HIPK3: variants seen among roughly 807,000 people sequenced by gnomAD.
HIPK3 encodes the protein homeodomain interacting protein kinase 3, also known as homeodomain-interacting protein kinase 3.
A neutral mutation model predicts 124.2 loss-of-function variants in HIPK3; 47 were observed. That is an observed-to-expected ratio of 0.38 (90% CI 0.30 to 0.48). The LOEUF (loss-of-function observed/expected upper bound fraction) is 0.48, where lower values mean the gene tolerates loss of function less well. HIPK3 is among the 20% of genes least tolerant of loss of function. The pLI, the probability that HIPK3 is intolerant of heterozygous loss-of-function variation, is 0.98. For missense variants in HIPK3, 1,286 were observed against 1,454.3 expected (o/e 0.88, Z 1.88); for synonymous variants, 482 against 515.2 (o/e 0.94, Z 0.87).
rs1165679471 is a variant in HIPK3 at position 33,348,220 on chromosome 11, T to A, written c.2361T>A (p.Ala787=). ...EWEPGREEIN[A]FSWSNSLQNT... is the part of the protein sequence containing the mutation. Reference sequence around the variant, plus strand: ...AGCCAGGAAGAGAGGAAATAAATGCTTTCAGTTGGTAAGATTGTCTTTATT... The same window carrying A: ...AGCCAGGAAGAGAGGAAATAAATGCATTCAGTTGGTAAGATTGTCTTTATT... Residue 787 remains alanine (A), a synonymous_variant, in exon 12 of 17, where the codon GCT becomes GCA. Coordinates refer to ENST00000303296, the MANE Select transcript of HIPK3 (RefSeq NM_005734.5). 2 of 1,613,268 alleles carry A rather than the reference T, an allele frequency of 1.2e-6. No individual in the cohort carries two copies. Among genetic ancestry groups the A allele is most frequent in the Non-Finnish European group, 1.7e-6 (2 of 1,179,446 alleles).
intron 2 of HIPK3, among the ~76,000 whole-genome samples, chr11:33,315,780 A>T (rs1390134387): frequency 6.6e-6 from 1 of 152,252 alleles, no homozygotes; most frequent in African/African-American, 2.4e-5. Context: ...ATTGGTAACA[A>T]ATATTAAATC....
At chr11:33,351,422 A>G (rs570800973) in intron 14 of HIPK3, among the ~76,000 whole-genome samples, 186 bp from the exon 15 acceptor site, 1 of 152,314 alleles carries the variant, frequency 6.6e-6, no homozygotes, top group South Asian at 2.1e-4. Flanking sequence ...GGCAGTTGGA[A>G]CAGAGAATTA....
Position 33,286,807 on chromosome 11 carries a change from T to A in HIPK3, c.393T>A (p.Ser131Arg). Residue 131 changes from serine (S) to arginine (R), a missense_variant, in exon 2 of 17, where the codon AGT (serine) becomes AGA (arginine). By Grantham distance (110) the Ser-to-Arg change is moderately radical (BLOSUM62 -1). Coordinates refer to ENST00000303296, the MANE Select transcript of HIPK3 (RefSeq NM_005734.5). ...AGCGATGTGGATTGAAGCGCAAGAG[T>A]GAGGAGTTGGATAATCATAGCAGCG... Reference protein sequence around the residue: ...GPQRCGLKRKSEELDNHSSAM... With the variant: ...GPQRCGLKRKREELDNHSSAM... The A allele has an allele frequency of 6.2e-7, 1 of 1,613,936 alleles. No individual in the cohort carries two copies. The highest frequency in any genetic ancestry group is 8.5e-7 in the Non-Finnish European group (1 of 1,179,994).
At chr11:33,306,764 C>A (rs954136721) in intron 2 of HIPK3, among the ~76,000 whole-genome samples, 6 of 152,028 alleles carry the variant, frequency 3.9e-5, no homozygotes, top group Non-Finnish European at 7.4e-5. Flanking sequence ...TAGGTAGAAG[C>A]TATTAAAGTG....
At chr11:33,282,072 G>A (rs1233727210) in intron 1 of HIPK3, among the ~76,000 whole-genome samples, 2 of 152,092 alleles carry the variant, frequency 1.3e-5, no homozygotes, top group South Asian at 4.1e-4. Context: ...ATCCACAAGT[G>A]TATAATAGCT....
At chr11:33,287,957 CT>C (rs531331319) in intron 2 of HIPK3, among the ~76,000 whole-genome samples, 62 of 152,182 alleles carry the variant, frequency 4.1e-4, no homozygotes, top group African/African-American at 1.3e-3. Context: ...TTATCTGAAA[CT>C]TTTGGGGCCA....
chr11:33,354,979 T>C lies in HIPK3; in HGVS notation c.*1411T>C, dbSNP rs1023340484. Reference sequence around the variant, plus strand: ...CTACTTTTTGCATAGACCTCAAGTATATTGTAGTGTAAAGGTGGAATTTAA... The same window carrying C: ...CTACTTTTTGCATAGACCTCAAGTACATTGTAGTGTAAAGGTGGAATTTAA... On this transcript the variant is annotated 3_prime_UTR_variant, in exon 17 of 17. Coordinates refer to ENST00000303296, the MANE Select transcript of HIPK3 (RefSeq NM_005734.5). 1.3e-5 allele frequency: 2 copies of C among 152,156 alleles called. No individual in the cohort carries two copies. Among genetic ancestry groups the C allele is most frequent in the African/African-American group, 2.4e-5 (1 of 41,548 alleles). 9.4% of individuals were successfully genotyped at this position (152,156 alleles called of 1,614,324 possible). A position where few individuals can be genotyped will look rare whatever the true frequency, so the allele number is the denominator to read the frequency against.
intron 2 of HIPK3, among the ~76,000 whole-genome samples, chr11:33,292,478 G>A (rs573826904): frequency 2.5e-4 from 38 of 152,100 alleles, no homozygotes; most frequent in Non-Finnish European, 4.6e-4. Flanking sequence ...TGATCTGAGG[G>A]GCAGGGAAGG....
intron 6 of HIPK3, among the ~76,000 whole-genome samples, chr11:33,340,385 A>G (rs1480545652): frequency 6.6e-6 from 1 of 152,328 alleles, no homozygotes; most frequent in African/African-American, 2.4e-5. Context: ...CAAATCTTAC[A>G]AATTCTTTGA....
intron 8 of HIPK3, among the ~76,000 whole-genome samples, chr11:33,344,249 T>G (rs1344958244): frequency 6.6e-6 from 1 of 152,214 alleles, no homozygotes; most frequent in Non-Finnish European, 1.5e-5. Context: ...TTTAATCAGT[T>G]ATTACTTGTG....
At chr11:33,287,957 C>T (rs1350901297) in intron 2 of HIPK3, among the ~76,000 whole-genome samples, 1 of 152,064 alleles carries the variant, frequency 6.6e-6, no homozygotes, top group Non-Finnish European at 1.5e-5. Context: ...TTATCTGAAA[C>T]TTTTGGGGCC....
intron 2 of HIPK3, among the ~76,000 whole-genome samples, chr11:33,314,294 T>C (rs763150616): frequency 2.6e-5 from 4 of 152,160 alleles, no homozygotes; most frequent in Non-Finnish European, 4.4e-5. Flanking sequence ...AATGGGATAA[T>C]GTATCTACCT....
intron 1 of HIPK3, chr11:33,258,256 G>C (rs1471460705): frequency 2.1e-6 from 2 of 975,192 alleles, no homozygotes; most frequent in Non-Finnish European, 2.4e-6. Flanking sequence ...AGCAACCGAA[G>C]TTTTGTTTAG....
chr11:33,275,934 C>G (rs1226785036), intron 1 of HIPK3, among the ~76,000 whole-genome samples: 49 of 152,196 alleles, frequency 3.2e-4, no homozygotes, highest in Non-Finnish European at 2.9e-5. Context: ...CTACGCCTAC[C>G]ATATTTGGCT....
In HIPK3 at chr11:33,349,151, A is replaced by G. The variant is rs1465130710; in HGVS notation, c.2671A>G (p.Lys891Glu). 1 of 1,612,766 alleles carries G rather than the reference A, an allele frequency of 6.2e-7. No homozygotes were observed. Among genetic ancestry groups the G allele is most frequent in the East Asian group, 2.2e-5 (1 of 44,862 alleles). ...TSQRHSLRECKGSLDCEACQS... is the reference protein window; with the variant it reads ...TSQRHSLRECEGSLDCEACQS... ...TTCCCTTTTCTCTTCCACTAGATGTAAAGGTAGTCTAGATTGTGAAGCTTG... is the reference window on the plus strand; with the variant it reads ...TTCCCTTTTCTCTTCCACTAGATGTGAAGGTAGTCTAGATTGTGAAGCTTG... The change falls in exon 14 of 17, where the codon AAA becomes GAA. Residue 891 changes from lysine (K) to glutamate (E), a missense_variant. Lys to Glu is a moderately conservative substitution (Grantham distance 56). Around this residue, in one of 3 missense-constraint regions of HIPK3, gnomAD observed 810 missense variants for 864.9 expected, o/e 0.94. Transcript: ENST00000303296.
intron 2 of HIPK3, among the ~76,000 whole-genome samples, chr11:33,308,461 T>C (rs1368165522): frequency 6.6e-6 from 1 of 152,250 alleles, no homozygotes; most frequent in Non-Finnish European, 1.5e-5. Flanking sequence ...GTCTGCACTT[T>C]AATTACATCA....
intron 2 of HIPK3, among the ~76,000 whole-genome samples, chr11:33,287,954 A>G (rs1851600738): frequency 6.6e-6 from 1 of 152,194 alleles, no homozygotes. Flanking sequence ...CCCTTATCTG[A>G]AACTTTTGGG....
At chr11:33,288,872 A>AG (rs1174110206) in intron 2 of HIPK3, among the ~76,000 whole-genome samples, 5 of 152,250 alleles carry the variant, frequency 3.3e-5, no homozygotes, top group African/African-American at 1.2e-4. Flanking sequence ...AGACAAATAC[A>AG]GGATCTGCCA....
At chr11:33,262,876 G>A (rs1221573375) in intron 1 of HIPK3, among the ~76,000 whole-genome samples, 1 of 151,720 alleles carries the variant, frequency 6.6e-6, no homozygotes, top group Non-Finnish European at 1.5e-5. Context: ...GGAGTATAGT[G>A]GTATGATCAT....
Sources: gnomAD v4.1 joint callset for allele counts (sites outside exome capture counted in the v4.1 genomes callset) on GRCh38, gnomAD v4.1.1 for gene constraint, gnomAD v4.1.1 regional missense constraint, MANE v1.5 for transcripts, NCBI Gene and HGNC (gene_info 2026-07-23, HGNC 2026-07-21) for gene names.